The following SECISBP2 variants were observed in gnomAD, a reference collection of about 807,000 sequenced individuals.
SECISBP2 encodes the protein selenocysteine insertion sequence-binding protein 2.
SECISBP2 carries 96 observed loss-of-function variants against 98.2 expected under a neutral mutation model. The observed-to-expected ratio is 0.98, with a 90% CI of 0.83 to 1.16. SECISBP2 has a LOEUF of 1.16. Ranked by LOEUF, SECISBP2 falls within the 50% of genes most tolerant of loss-of-function variation. The pLI, the probability that SECISBP2 is intolerant of heterozygous loss-of-function variation, is 0.00. For missense variants in SECISBP2, 1,046 were observed against 1,022.9 expected, an observed-to-expected ratio of 1.02 and a Z score of -0.31; for synonymous variants, 407 against 370.2, an observed-to-expected ratio of 1.10 and a Z score of -1.14.
chr9:89,324,465 T>G (rs1826338962), intron 2 of SECISBP2: 1 of 152,246 alleles, frequency 6.6e-6, no homozygotes, highest in Admixed American at 6.5e-5. Context: ...GTGAAAGCAG[T>G]AAACGTTATT....
At chr9:89,340,023 A>G (rs957837955) in intron 9 of SECISBP2, 70 bp downstream of exon 9, 51 of 1,136,860 alleles carry the variant, frequency 4.5e-5, no homozygotes, top group Non-Finnish European at 6.6e-5. Context: ...TGCTTGAGAA[A>G]AACTGCTTTC....
intron 2 of SECISBP2, chr9:89,323,694 G>A (rs1470876700): frequency 6.6e-6 from 1 of 152,216 alleles, no homozygotes; most frequent in Non-Finnish European, 1.5e-5. Flanking sequence ...GGGTCATCTG[G>A]GCCACTCCTG....
chr9:89,364,020 C>T (rs1833178850), downstream of SECISBP2: 3 of 1,612,688 alleles, frequency 1.9e-6, no homozygotes, highest in Non-Finnish European at 2.5e-6. Context: ...CATGAGGGTG[C>T]AGGGGGGTTA....
chr9:89,325,798 TA>T lies in SECISBP2; in HGVS notation c.433-93del, dbSNP rs1285962972. On this transcript the variant is annotated intron_variant, in intron 3 of 16. Transcript: ENST00000375807. ...ATGTATTTTTTTGTATTTAACCTTT[TA>T]AAAAATGATTGAATTGTGAATACTT... 104 of 1,590,650 alleles carry T rather than the reference TA, an allele frequency of 6.5e-5. 1 individual carries two copies. In the Middle Eastern group the frequency reaches 3.4e-3, roughly 53 times the overall value.
chr9:89,366,618 T>C, the SECISBP2 span, among the ~76,000 whole-genome samples: 1 of 152,232 alleles, frequency 6.6e-6, no homozygotes, highest in East Asian at 1.9e-4. Flanking sequence ...CAAATATAAG[T>C]ACATATTACA....
chr9:89,355,286 C>T (rs1831896198), intron 14 of SECISBP2: 1 of 985,256 alleles, frequency 1.0e-6, no homozygotes. Context: ...TCCTGTAGGC[C>T]AGATGCCTGG....
chr9:89,335,788 G>T (rs1828565363), intron 7 of SECISBP2, among the ~76,000 whole-genome samples: 1 of 152,178 alleles, frequency 6.6e-6, no homozygotes, highest in Non-Finnish European at 1.5e-5. Context: ...GAGTGAGAAT[G>T]TACATTTTAG....
intron 11 of SECISBP2, among the ~76,000 whole-genome samples, chr9:89,347,508 T>C (rs1440004700): frequency 6.7e-6 from 1 of 148,922 alleles, no homozygotes; most frequent in East Asian, 2.0e-4. Flanking sequence ...GTTTTGCTCT[T>C]GTCGCCCAGG....
chr9:89,331,912 A>C (rs1410991719), intron 5 of SECISBP2, among the ~76,000 whole-genome samples: 2 of 152,216 alleles, frequency 1.3e-5, no homozygotes, highest in African/African-American at 4.8e-5. Flanking sequence ...TGTTTATATC[A>C]TAGGCAAAGA....
rs1830534003 is a variant in SECISBP2 at position 89,347,125 on chromosome 9, T to C, written c.1602+77T>C. 9 of 1,441,384 alleles carry C rather than the reference T, an allele frequency of 6.2e-6. No homozygotes were observed. In the South Asian group the frequency reaches 1.1e-4, roughly 17 times the overall value. The allele number at this position is 1,441,384 out of a possible 1,614,324, so 89.3% of individuals were successfully genotyped here. A position where few individuals can be genotyped will look rare whatever the true frequency, so the allele number is the denominator to read the frequency against. On this transcript the variant is annotated intron_variant, in intron 11 of 16. Transcript: ENST00000375807. ...TTTCCATAGTTATTCTCCCAGCTCTTAGATTTTTAGATTTTACGACTTGTA... is the reference window on the plus strand; with the variant it reads ...TTTCCATAGTTATTCTCCCAGCTCTCAGATTTTTAGATTTTACGACTTGTA...
At chr9:89,350,008 A>G (rs1325269860) in intron 13 of SECISBP2, 79 bp downstream of exon 13, 1 of 1,542,174 alleles carries the variant, frequency 6.5e-7, no homozygotes, top group Non-Finnish European at 8.9e-7. Context: ...ATCTCCCATA[A>G]ATCCTTGTTG....
chr9:89,349,634 G>C, intron 12 of SECISBP2, 142 bp from the exon 13 acceptor site: 1 of 921,032 alleles, frequency 1.1e-6, no homozygotes, highest in Non-Finnish European at 1.7e-6. Flanking sequence ...TCTGCCTTCT[G>C]TAAACCTCTC....
chr9:89,342,826 G>A (rs1175034414), intron 10 of SECISBP2, among the ~76,000 whole-genome samples: 3 of 152,136 alleles, frequency 2.0e-5, no homozygotes, highest in Admixed American at 2.0e-4. Flanking sequence ...AAAAAGTCTT[G>A]AAAATGGATA....
chr9:89,322,815 A>G (rs536059866), intron 2 of SECISBP2: 126 of 152,340 alleles, frequency 8.3e-4, no homozygotes, highest in African/African-American at 2.8e-3. Context: ...GTAGAGGAAT[A>G]AAGTGATAAT....
chr9:89,328,813 G>A lies in SECISBP2; in HGVS notation c.728G>A (p.Gly243Glu), dbSNP rs765892198. The change falls in exon 5 of 17, where the codon GGA (glycine) becomes GAA (glutamate). Residue 243 changes from glycine (G) to glutamate (E), a missense_variant. Gly to Glu is a moderately conservative substitution (Grantham distance 98). Coordinates refer to ENST00000375807, the MANE Select transcript of SECISBP2 (RefSeq NM_024077.5). The stretch of plus-strand genomic sequence containing the variant: ...GAGATACAGAAGCAACCCAAGTGGG[G>A]ACCTGTCCACTCTGTCTCTACCGAC... Reference protein sequence around the residue: ...MSEIQKQPKWGPVHSVSTDIS... With the variant: ...MSEIQKQPKWEPVHSVSTDIS... 1 of 1,614,198 alleles carries A rather than the reference G, an allele frequency of 6.2e-7. No individual in the cohort carries two copies. Among genetic ancestry groups the A allele is most frequent in the Admixed American group, 1.7e-5 (1 of 60,026 alleles).
At chr9:89,319,618 ATGTT>A (rs769418333) in intron 1 of SECISBP2, 30 bp from the exon 2 acceptor site, 2 of 1,613,112 alleles carry the variant, frequency 1.2e-6, no homozygotes, top group Non-Finnish European at 1.7e-6. Context: ...TGATCTCTGA[ATGTT>A]TGTGGCCAAA....
Position 89,334,664 on chromosome 9 carries a change from T to C in SECISBP2, c.1023T>C (p.Ser341=), listed in dbSNP as rs752464579. The change falls in exon 7 of 17, where the codon TCT becomes TCC. Residue 341 remains serine (S), a synonymous_variant. Coordinates refer to ENST00000375807, the MANE Select transcript of SECISBP2 (RefSeq NM_024077.5). The stretch of plus-strand genomic sequence containing the variant: ...ATCCTAAAAATGTTAGTATACCATC[T>C]TCTGAAGCTTTATCTTCGGATCCTT... The part of the protein sequence containing the change: ...SADPKNVSIP[S]SEALSSDPSY... The C allele has an allele frequency of 1.5e-5, 24 of 1,613,968 alleles. No homozygotes were observed. The Middle Eastern group carries it at 4.9e-4, about 33-fold the overall frequency.
chr9:89,341,426 A>G lies in SECISBP2; in HGVS notation c.1382A>G (p.Lys461Arg). ...DLGGMLTALE[K>R]KQHSQHAKQS... is the part of the protein sequence containing the mutation. ...GGGGGCATGCTGACAGCCCTGGAGAAGAAGCAGCACTCTCAGCATGCAAAG... is the reference window on the plus strand; with the variant it reads ...GGGGGCATGCTGACAGCCCTGGAGAGGAAGCAGCACTCTCAGCATGCAAAG... Residue 461 changes from lysine to arginine, a missense_variant, in exon 10 of 17, where the codon AAG becomes AGG. Lys to Arg is a conservative substitution (Grantham distance 26). Coordinates refer to ENST00000375807, the MANE Select transcript of SECISBP2 (RefSeq NM_024077.5). 5 of 1,614,166 alleles carry G rather than the reference A, an allele frequency of 3.1e-6. No homozygotes were observed. The highest frequency in any genetic ancestry group is 3.4e-6 in the Non-Finnish European group (4 of 1,180,014).
At position 89,357,466 on chromosome 9, in the gene SECISBP2, T is replaced by C. The variant is rs774205109; in HGVS notation, c.2169T>C (p.Ile723=). 3.7e-6 allele frequency: 6 copies of C among 1,614,074 alleles called. No individual in the cohort carries two copies. The highest frequency in any genetic ancestry group is 5.1e-6 in the Non-Finnish European group (6 of 1,180,046). The stretch of plus-strand genomic sequence containing the variant: ...TTGATTATGCCTGTGAGCAGAACAT[T>C]CCCTTTGTGTTTGCTCTCAACCGCA... ...TIIDYACEQN[I]PFVFALNRKA... is the part of the protein sequence containing the mutation. Residue 723 remains isoleucine (I), a synonymous_variant, in exon 15 of 17, where the codon ATT becomes ATC. Coordinates refer to ENST00000375807, the MANE Select transcript of SECISBP2 (RefSeq NM_024077.5).
Sources: allele counts gnomAD v4.1 joint callset (sites outside exome capture counted in the v4.1 genomes callset), GRCh38; gene constraint gnomAD v4.1.1; transcripts MANE v1.5; gene names NCBI Gene and HGNC (gene_info 2026-07-23, HGNC 2026-07-21).